EPHA6: variants seen among roughly 807,000 people sequenced by gnomAD.
The protein encoded by EPHA6 is EPH receptor A6, also known as ephrin type-A receptor 6.
Under a neutral mutation model 112.0 loss-of-function variants are expected in EPHA6, and 50 were observed. The observed-to-expected ratio is 0.45, with a 90% confidence interval of 0.36 to 0.56. The LOEUF is 0.56. EPHA6 is among the 20% of genes least tolerant of loss of function. The pLI is 0.00. For synonymous variants in EPHA6, 529 were observed against 490.7 expected (o/e 1.08, Z -1.03); for missense variants, 1,280 against 1,417.4 (o/e 0.90, Z 1.56).
chr3:97,298,690 CTTAT>C (rs1187594411), intron 5 of EPHA6, among the ~76,000 whole-genome samples: 1 of 151,936 alleles, frequency 6.6e-6, no homozygotes, highest in Non-Finnish European at 1.5e-5. Context: ...GTTATTATTT[CTTAT>C]TTAGTGTATT....
At chr3:97,457,962 G>T (rs1347429960) in intron 7 of EPHA6, among the ~76,000 whole-genome samples, 4 of 151,220 alleles carry the variant, frequency 2.6e-5, no homozygotes, top group Non-Finnish European at 4.4e-5. Context: ...CAGCTACTAG[G>T]GAGGCTGAGG....
intron 2 of EPHA6, among the ~76,000 whole-genome samples, chr3:96,979,476 G>C (rs1185389456): frequency 6.6e-6 from 1 of 152,106 alleles, no homozygotes; most frequent in African/African-American, 2.4e-5. Flanking sequence ...TTGGTTCTAA[G>C]TCTTTGCTAT....
intron 5 of EPHA6, among the ~76,000 whole-genome samples, chr3:97,264,445 G>T (rs2079605563): frequency 6.6e-6 from 1 of 152,234 alleles, no homozygotes; most frequent in African/African-American, 2.4e-5. Flanking sequence ...AGCTCCTCCA[G>T]CTGGCAGCAG....
Position 97,757,631 on chromosome 3 carries a change from TTACTTGA to T in EPHA6, c.*8934_*8940del, listed in dbSNP as rs2036057753. Reference sequence around the variant, plus strand: ...ATATAAAGATGCATAAAAAAGGAACTTACTTGATACCGTCTTTTAGCATCAATTTATC... The same window carrying T: ...ATATAAAGATGCATAAAAAAGGAACTTACCGTCTTTTAGCATCAATTTATC... On this transcript the variant is annotated 3_prime_UTR_variant, in exon 18 of 18. Coordinates refer to ENST00000389672, the MANE Select transcript of EPHA6 (RefSeq NM_001080448.3). 6.6e-6 allele frequency among the ~76,000 whole-genome samples: 1 copy of T among 151,762 alleles called. No homozygotes were observed. Among genetic ancestry groups the T allele is most frequent in the East Asian group, 1.9e-4 (1 of 5,196 alleles).
chr3:97,393,356 G>A (rs1407851683), intron 5 of EPHA6, among the ~76,000 whole-genome samples: 1 of 151,818 alleles, frequency 6.6e-6, no homozygotes, highest in Non-Finnish European at 1.5e-5. Flanking sequence ...ATAATAGTCA[G>A]TAGATGTGTA....
chr3:97,172,510 C>T (rs1353855859), intron 3 of EPHA6, among the ~76,000 whole-genome samples: 1 of 151,922 alleles, frequency 6.6e-6, no homozygotes, highest in Non-Finnish European at 1.5e-5. Flanking sequence ...GTTATTGGTA[C>T]TTGTACATAG....
intron 3 of EPHA6, among the ~76,000 whole-genome samples, chr3:97,084,332 A>AACAC (rs532027070): frequency 6.6e-6 from 1 of 150,448 alleles, no homozygotes; most frequent in Non-Finnish European, 1.5e-5. Context: ...TAGCCCTTAT[A>AACAC]ACACACACAC....
At chr3:96,991,303 A>T (rs1327753926) in intron 3 of EPHA6, among the ~76,000 whole-genome samples, 1 of 152,200 alleles carries the variant, frequency 6.6e-6, no homozygotes, top group Non-Finnish European at 1.5e-5. Context: ...ACAATGATTT[A>T]TTATTTTTCA....
intron 6 of EPHA6, among the ~76,000 whole-genome samples, chr3:97,448,145 G>A (rs2090412117): frequency 2.6e-5 from 4 of 152,022 alleles, no homozygotes; most frequent in African/African-American, 4.8e-5. Context: ...GGATAGCGCC[G>A]GCATTTTGGC....
intron 6 of EPHA6, among the ~76,000 whole-genome samples, chr3:97,410,971 T>C (rs1044332394): frequency 3.9e-5 from 6 of 152,036 alleles, no homozygotes; most frequent in African/African-American, 1.2e-4. Context: ...GAACTACAAG[T>C]ATTAATCTGA....
intron 6 of EPHA6, among the ~76,000 whole-genome samples, chr3:97,435,018 A>G (rs2089747170): frequency 6.6e-6 from 1 of 151,942 alleles, no homozygotes; most frequent in African/African-American, 2.4e-5. Flanking sequence ...TGCCATACAG[A>G]GCTCCAAGAC....
intron 1 of EPHA6, among the ~76,000 whole-genome samples, chr3:96,816,506 C>T (rs976154651): frequency 6.6e-6 from 1 of 152,044 alleles, no homozygotes; most frequent in Non-Finnish European, 1.5e-5. Flanking sequence ...GTAACGATTA[C>T]CCTTTTTTAT....
At chr3:96,849,188 A>T (rs971080034) in intron 1 of EPHA6, among the ~76,000 whole-genome samples, 2 of 152,120 alleles carry the variant, frequency 1.3e-5, no homozygotes, top group Non-Finnish European at 2.9e-5. Context: ...ACTTTGGTCC[A>T]GTTGAGCTGA....
At chr3:97,038,147 C>T (rs370420960) in intron 3 of EPHA6, among the ~76,000 whole-genome samples, 2 of 151,894 alleles carry the variant, frequency 1.3e-5, no homozygotes, top group Admixed American at 6.6e-5. Context: ...TTTATCTTTT[C>T]GTTATGCTAG....
Position 97,148,157 on chromosome 3 carries a change from G to A in EPHA6, c.1115-78107G>A, listed in dbSNP as rs114127408. Among the ~76,000 whole-genome samples the A allele has an allele frequency of 6.9e-3, 1,051 of 152,122 alleles. 11 individuals carry two copies. The highest frequency in any genetic ancestry group is 0.024 in the African/African-American group (994 of 41,518). On this transcript the variant is annotated intron_variant, in intron 3 of 17. Coordinates refer to ENST00000389672, the MANE Select transcript of EPHA6 (RefSeq NM_001080448.3). ...GCACCCAGAGACACTTGTAATGAAA[G>A]TGTACTTCATATCTTTAAAATGCAC...
chr3:97,479,471 C>T lies in EPHA6; in HGVS notation c.2074+107C>T, dbSNP rs539299158. 67 of 653,680 alleles carry T rather than the reference C, an allele frequency of 1.0e-4. No individual in the cohort carries two copies. The African/African-American group carries it at 1.1e-3, about 11-fold the overall frequency. The allele number at this position is 653,680 out of a possible 1,614,324, so 40.5% of individuals were successfully genotyped here. A position where few individuals can be genotyped will look rare whatever the true frequency, so the allele number is the denominator to read the frequency against. ...TGAGAAAAAAAGAAAAAAAAAATCA[C>T]TTCCAACCTTTCAGCATTAAGAATT... is the stretch of plus-strand genomic sequence containing the variant. On this transcript the variant is annotated intron_variant, in intron 9 of 17. Transcript: ENST00000389672.
At chr3:97,134,929 T>A (rs555826002) in intron 3 of EPHA6, among the ~76,000 whole-genome samples, 11 of 152,156 alleles carry the variant, frequency 7.2e-5, no homozygotes, top group South Asian at 4.1e-4. Flanking sequence ...CCCTGGTTGA[T>A]GAAACTCCCC....
intron 6 of EPHA6, among the ~76,000 whole-genome samples, chr3:97,410,931 T>A (rs1329578814): frequency 6.6e-6 from 1 of 152,102 alleles, no homozygotes; most frequent in Non-Finnish European, 1.5e-5. Context: ...TTTGTAGATG[T>A]TGTTGATCTG....
intron 10 of EPHA6, among the ~76,000 whole-genome samples, chr3:97,512,527 C>T (rs540702962): frequency 2.6e-5 from 4 of 152,074 alleles, no homozygotes; most frequent in East Asian, 1.9e-4. Context: ...TCCTCTTAGA[C>T]GTGGCTATCT....
Sources: gnomAD v4.1 joint callset for allele counts (sites outside exome capture counted in the v4.1 genomes callset) on GRCh38, gnomAD v4.1.1 for gene constraint, MANE v1.5 for transcripts, NCBI Gene and HGNC (gene_info 2026-07-23, HGNC 2026-07-21) for gene names.